The following ANKRD66 variants were observed in gnomAD, a reference collection of about 807,000 sequenced individuals.
ANKRD66 encodes the protein ankyrin repeat domain 66.
A neutral mutation model predicts 10.9 loss-of-function variants in ANKRD66; 10 were observed. The ratio of observed to expected loss-of-function variants is 0.91; its 90% confidence interval spans 0.56 to 1.55. The LOEUF is 1.55. Ranked by LOEUF, ANKRD66 falls within the 40% of genes most tolerant of loss-of-function variation. The pLI is 0.00. For missense variants in ANKRD66, 252 were observed against 242.9 expected, an observed-to-expected ratio of 1.04 and a Z score of -0.25; for synonymous variants, 85 against 88.4, an observed-to-expected ratio of 0.96 and a Z score of 0.22.
intron 1 of ANKRD66, among the ~76,000 whole-genome samples, chr6:46,749,197 ACT>A (rs1766209592): frequency 6.6e-6 from 1 of 151,984 alleles, no homozygotes; most frequent in Admixed American, 6.6e-5. Context: ...CACAATGGAG[ACT>A]CTGCTGGTGG....
At chr6:46,753,992 C>T in intron 4 of ANKRD66, 42 bp downstream of exon 4, 1 of 1,490,558 alleles carries the variant, frequency 6.7e-7, no homozygotes, top group Non-Finnish European at 9.1e-7. Context: ...AGCAGAGGAA[C>T]AGGAGTCTGT....
chr6:46,749,852 G>T, intron 1 of ANKRD66, 44 bp from the exon 2 acceptor site: 1 of 1,535,088 alleles, frequency 6.5e-7, no homozygotes, highest in Non-Finnish European at 8.8e-7. Flanking sequence ...GGCATTTAGG[G>T]CATTGCATTT....
At chr6:46,747,425 A>G (rs779383985) in intron 1 of ANKRD66, among the ~76,000 whole-genome samples, 4 of 152,258 alleles carry the variant, frequency 2.6e-5, no homozygotes, top group Non-Finnish European at 5.9e-5. Flanking sequence ...CACCCCAAAA[A>G]GAAATCCTGT....
At chr6:46,752,463 G>A (rs1033240128) in intron 3 of ANKRD66, among the ~76,000 whole-genome samples, 2 of 152,146 alleles carry the variant, frequency 1.3e-5, no homozygotes, top group Admixed American at 6.5e-5. Context: ...TCAAACTCCT[G>A]ACCTCCAGTG....
chr6:46,754,061 C>T, intron 4 of ANKRD66, 111 bp downstream of exon 4: 2 of 899,632 alleles, frequency 2.2e-6, no homozygotes, highest in Non-Finnish European at 1.6e-6. Flanking sequence ...TGAGGAAATC[C>T]AGCCAATGGA....
At chr6:46,750,150 A>C (rs1382399034) in intron 2 of ANKRD66, among the ~76,000 whole-genome samples, 171 bp downstream of exon 2, 1 of 151,302 alleles carries the variant, frequency 6.6e-6, no homozygotes, top group Non-Finnish European at 1.5e-5. Context: ...CACTCTCTCC[A>C]CTCTTGTTTT....
intron 4 of ANKRD66, among the ~76,000 whole-genome samples, chr6:46,754,427 A>G (rs1463933951): frequency 1.3e-5 from 2 of 152,196 alleles, no homozygotes; most frequent in Non-Finnish European, 2.9e-5. Context: ...TACACACACC[A>G]AAGAACTTAA....
chr6:46,752,199 C>G, intron 3 of ANKRD66, 88 bp downstream of exon 3: 1 of 1,281,278 alleles, frequency 7.8e-7, no homozygotes, highest in Non-Finnish European at 1.0e-6. Context: ...GGGAGTGGAA[C>G]AAACATTTCT....
chr6:46,753,856 C>A lies in ANKRD66; in HGVS notation c.298C>A (p.His100Asn), dbSNP rs1766318633. The A allele has an allele frequency of 6.4e-7, 1 of 1,551,604 alleles. No homozygotes were observed. Among genetic ancestry groups the A allele is most frequent in the African/African-American group, 1.4e-5 (1 of 73,030 alleles). Residue 100 changes from histidine to asparagine, a missense_variant, in exon 4 of 5, where the codon CAC becomes AAC. Coordinates refer to ENST00000565422, the MANE Select transcript of ANKRD66 (RefSeq NM_001162435.3). ...TATACTCAAAACTCTCCATGCATTG[C>A]ACGCTGCCATCGACGCCCCTGACTT... Reference protein sequence around the residue: ...LNILKTLHALHAAIDAPDFFG... With the variant: ...LNILKTLHALNAAIDAPDFFG...
intron 4 of ANKRD66, among the ~76,000 whole-genome samples, chr6:46,754,277 T>C (rs144194473): frequency 1.3e-5 from 2 of 152,298 alleles, no homozygotes; most frequent in Non-Finnish European, 2.9e-5. Flanking sequence ...CCAAACTGGC[T>C]GTGTGACCTT....
intron 2 of ANKRD66, among the ~76,000 whole-genome samples, chr6:46,750,772 T>C (rs1766253216): frequency 6.6e-6 from 1 of 150,886 alleles, no homozygotes; most frequent in South Asian, 2.1e-4. Flanking sequence ...TTTCAGATAA[T>C]TGTGGATATT....
chr6:46,753,058 T>C (rs1199424462), intron 3 of ANKRD66, among the ~76,000 whole-genome samples: 1 of 152,222 alleles, frequency 6.6e-6, no homozygotes, highest in Non-Finnish European at 1.5e-5. Context: ...TACAGAGTGA[T>C]GGTAGCTATA....
chr6:46,755,890 A>G (rs944853793), intron 4 of ANKRD66, among the ~76,000 whole-genome samples: 2 of 152,226 alleles, frequency 1.3e-5, no homozygotes, highest in South Asian at 2.1e-4. Flanking sequence ...TAATTTTTGA[A>G]TAGTTTTCTG....
intron 4 of ANKRD66, among the ~76,000 whole-genome samples, chr6:46,754,506 A>G (rs1375710008): frequency 6.6e-6 from 1 of 152,204 alleles, no homozygotes; most frequent in Non-Finnish European, 1.5e-5. Flanking sequence ...AATTTGCATA[A>G]CAGTTATAGC....
intron 1 of ANKRD66, among the ~76,000 whole-genome samples, chr6:46,747,766 C>T (rs1766181213): frequency 6.6e-6 from 1 of 152,126 alleles, no homozygotes; most frequent in African/African-American, 2.4e-5. Flanking sequence ...CATACATGTA[C>T]AAATGTTTAT....
intron 4 of ANKRD66, chr6:46,757,313 G>A (rs1766404269): frequency 6.6e-6 from 1 of 152,156 alleles, no homozygotes; most frequent in African/African-American, 2.4e-5. Context: ...CATAGGTTGT[G>A]TGTATATGTG....
At chr6:46,754,959 C>G (rs985319942) in intron 4 of ANKRD66, among the ~76,000 whole-genome samples, 2 of 152,176 alleles carry the variant, frequency 1.3e-5, no homozygotes, top group African/African-American at 4.8e-5. Flanking sequence ...AGACATTGTT[C>G]TCTGAACTTT....
At chr6:46,756,193 C>T (rs969253787) in intron 4 of ANKRD66, 6 of 338,834 alleles carry the variant, frequency 1.8e-5, no homozygotes, top group African/African-American at 1.1e-4. Context: ...TGGGGAAGGA[C>T]AACATGTCCT....
intron 3 of ANKRD66, among the ~76,000 whole-genome samples, chr6:46,753,048 T>C (rs1174334687): frequency 2.0e-5 from 3 of 152,244 alleles, no homozygotes; most frequent in Admixed American, 1.3e-4. Context: ...AAAATCTAAG[T>C]ACAGAGTGAT....
Sources: gnomAD v4.1 joint callset for allele counts (sites outside exome capture counted in the v4.1 genomes callset) on GRCh38, gnomAD v4.1.1 for gene constraint, MANE v1.5 for transcripts, NCBI Gene and HGNC (gene_info 2026-07-23, HGNC 2026-07-21) for gene names.